Variants in PRSS12 observed in about 807,000 individuals in gnomAD.
PRSS12 encodes serine protease 12, also known as neurotrypsin.
PRSS12 carries 85 observed loss-of-function variants against 104.4 expected under a neutral mutation model. The ratio of observed to expected loss-of-function variants is 0.81; its 90% CI spans 0.68 to 0.98. PRSS12 has a LOEUF of 0.98. Among genes scored for constraint, PRSS12 ranks in the 50% least tolerant of loss-of-function variants. PRSS12 has a pLI of 0.00. For missense variants in PRSS12, 1,141 were observed against 1,139.2 expected, an observed-to-expected ratio of 1.00 and a Z score of -0.02; for synonymous variants, 454 against 425.2, an observed-to-expected ratio of 1.07 and a Z score of -0.83.
intron 8 of PRSS12, among the ~76,000 whole-genome samples, 186 bp from the exon 9 acceptor site, chr4:118,299,124 C>G (rs183140151): frequency 7.2e-5 from 11 of 152,244 alleles, no homozygotes; most frequent in African/African-American, 2.6e-4. Flanking sequence ...CTATACTTTC[C>G]CATACTCCAC....
At chr4:118,309,868 A>G (rs1308227927) in intron 7 of PRSS12, among the ~76,000 whole-genome samples, 1 of 152,228 alleles carries the variant, frequency 6.6e-6, no homozygotes, top group Non-Finnish European at 1.5e-5. Context: ...CAAGATGGAC[A>G]CACTCTATTT....
At chr4:118,304,608 G>A (rs893077071) in intron 8 of PRSS12, among the ~76,000 whole-genome samples, 1 of 151,922 alleles carries the variant, frequency 6.6e-6, no homozygotes, top group African/African-American at 2.4e-5. Flanking sequence ...TATGCTACTG[G>A]ATCCACATAA....
chr4:118,343,144 T>C (rs1724258944), intron 1 of PRSS12, among the ~76,000 whole-genome samples: 1 of 152,074 alleles, frequency 6.6e-6, no homozygotes, highest in Non-Finnish European at 1.5e-5. Context: ...ATCCCAGCAC[T>C]TTGGGAGGCC....
Position 118,352,260 on chromosome 4 carries a change from G to A in PRSS12, c.461C>T (p.Ala154Val), listed in dbSNP as rs1724526909. 1 of 1,611,418 alleles carries A rather than the reference G, an allele frequency of 6.2e-7. No homozygotes were observed. The highest frequency in any genetic ancestry group is 1.3e-5 in the African/African-American group (1 of 74,896). ...GTAGCCCCAGTCCACCTTGCCACGG[G>A]CGTCTCCGTAGAAACACCAGGGTCT... Reference protein sequence around the residue: ...AGRPWCFYGDARGKVDWGYCD... With the variant: ...AGRPWCFYGDVRGKVDWGYCD... Residue 154 changes from alanine (A) to valine (V), a missense_variant, in exon 1 of 13, where the codon GCC becomes GTC. Transcript: ENST00000296498.
rs1742920426 is a variant in PRSS12 at position 118,282,940 on chromosome 4, C to T, written c.2211G>A (p.Glu737=). ...CATGGCTGCTGAATCTGGCACATTG[C>T]TCTTCTGGTCCTTGTAATCTAACCA... is the stretch of plus-strand genomic sequence containing the variant. The part of the protein sequence containing the change: ...IALVRLQGPE[E]QCARFSSHVL... Residue 737 remains glutamate (E), a synonymous_variant, in exon 12 of 13, where the codon GAG becomes GAA. Transcript: ENST00000296498. The T allele has an allele frequency of 1.9e-6, 3 of 1,614,166 alleles. No individual in the cohort carries two copies. Among genetic ancestry groups the T allele is most frequent in the African/African-American group, 1.3e-5 (1 of 75,028 alleles).
rs188007058 is a variant in PRSS12, at chr4:118,310,930, A to G, written c.1489+2271T>C. On this transcript the variant is annotated intron_variant, in intron 7 of 12. Coordinates refer to ENST00000296498, the MANE Select transcript of PRSS12 (RefSeq NM_003619.4). Reference sequence around the variant, plus strand: ...GCTGGGTGTGGTGGCAGGCACCTGTAATCCCAGATACTTGGGAGGCTGAGG... The same window carrying G: ...GCTGGGTGTGGTGGCAGGCACCTGTGATCCCAGATACTTGGGAGGCTGAGG... Among the ~76,000 whole-genome samples, 500 of 152,230 alleles carry G rather than the reference A, an allele frequency of 3.3e-3. 1 individual carries two copies. Among genetic ancestry groups the G allele is most frequent in the Non-Finnish European group, 5.5e-3 (374 of 68,028 alleles).
chr4:118,332,066 G>C (rs1424767959), intron 3 of PRSS12, among the ~76,000 whole-genome samples, 200 bp from the exon 4 acceptor site: 1 of 152,014 alleles, frequency 6.6e-6, no homozygotes, highest in Non-Finnish European at 1.5e-5. Flanking sequence ...TGAATTATAT[G>C]AATACAAGTA....
chr4:118,323,738 G>A (rs1194694244), intron 4 of PRSS12, among the ~76,000 whole-genome samples: 1 of 151,558 alleles, frequency 6.6e-6, no homozygotes, highest in Non-Finnish European at 1.5e-5. Context: ...CAAACCAATA[G>A]GCTGGAAGAA....
rs1286350632 is a variant in PRSS12, at chr4:118,352,457, C to T, written c.264G>A (p.Pro88=). Residue 88 remains proline, a synonymous_variant, in exon 1 of 13, where the codon CCG becomes CCA. Transcript: ENST00000296498. ...CGCCGGCGGGGCAGCCCCAGGGGTG[C>T]GGCCGGGGCGTGTGCCCGGCCTGGA... ...HALQAGHTPR[P]HPWGCPAGEP... is the part of the protein sequence containing the mutation. 2 of 1,405,202 alleles carry T rather than the reference C, an allele frequency of 1.4e-6. No homozygotes were observed. Among genetic ancestry groups the T allele is most frequent in the Non-Finnish European group, 1.8e-6 (2 of 1,086,906 alleles). The allele number at this position is 1,405,202 out of a possible 1,614,324, so 87.0% of individuals were successfully genotyped here. A position where few individuals can be genotyped will look rare whatever the true frequency, so the allele number is the denominator to read the frequency against.
intron 5 of PRSS12, among the ~76,000 whole-genome samples, chr4:118,317,645 A>C (rs1211890663): frequency 6.6e-6 from 1 of 152,242 alleles, no homozygotes; most frequent in Non-Finnish European, 1.5e-5. Flanking sequence ...TCTGCTAATA[A>C]AAACAACTGC....
At chr4:118,307,910 A>T (rs998607199) in intron 8 of PRSS12, among the ~76,000 whole-genome samples, 22 of 152,198 alleles carry the variant, frequency 1.4e-4, no homozygotes, top group Admixed American at 1.0e-3. Context: ...AAAAAAAAAA[A>T]ATTGGCACCA....
chr4:118,298,849 C>T lies in PRSS12; in HGVS notation c.1721G>A (p.Arg574Lys). 1 of 1,614,142 alleles carries T rather than the reference C, an allele frequency of 6.2e-7. No homozygotes were observed. The highest frequency in any genetic ancestry group is 8.5e-7 in the Non-Finnish European group (1 of 1,180,028). ...VDNVKCTGNERSLADCIKQDI... is the reference protein window; with the variant it reads ...VDNVKCTGNEKSLADCIKQDI... Reference sequence around the variant, plus strand: ...TTGCTTGATACAGTCAGCCAAGGACCTCTCATTTCCTGTGCACTTCACATT... The same window carrying T: ...TTGCTTGATACAGTCAGCCAAGGACTTCTCATTTCCTGTGCACTTCACATT... The change falls in exon 9 of 13, where the codon AGG becomes AAG. Residue 574 changes from arginine to lysine, a missense_variant. Arg to Lys is a conservative substitution (Grantham distance 26). Transcript: ENST00000296498.
At chr4:118,323,675 T>C (rs1723691056) in intron 4 of PRSS12, among the ~76,000 whole-genome samples, 2 of 151,770 alleles carry the variant, frequency 1.3e-5, no homozygotes, top group Non-Finnish European at 1.5e-5. Flanking sequence ...TTCAACCACA[T>C]ACAAATTGAA....
chr4:118,314,796 CAG>C (rs1743862551), intron 6 of PRSS12, among the ~76,000 whole-genome samples: 1 of 151,722 alleles, frequency 6.6e-6, no homozygotes, highest in Non-Finnish European at 1.5e-5. Context: ...AGAAAAAAAT[CAG>C]TGTTGTTTTC....
chr4:118,299,004 A>G, intron 8 of PRSS12, 66 bp from the exon 9 acceptor site: 1 of 1,521,896 alleles, frequency 6.6e-7, no homozygotes, highest in African/African-American at 1.4e-5. Context: ...AAATCACAAC[A>G]TGTATTCAAT....
At chr4:118,341,058 G>A (rs989359640) in intron 1 of PRSS12, among the ~76,000 whole-genome samples, 4 of 152,290 alleles carry the variant, frequency 2.6e-5, no homozygotes, top group African/African-American at 9.6e-5. Context: ...GCTGGGACAT[G>A]AGGGGAGTTG....
intron 8 of PRSS12, among the ~76,000 whole-genome samples, chr4:118,302,348 G>C (rs1163982927): frequency 6.6e-6 from 1 of 152,186 alleles, no homozygotes; most frequent in Non-Finnish European, 1.5e-5. Flanking sequence ...TACTTACCTA[G>C]TCTTGAAATC....
In PRSS12 at chr4:118,316,218, A is replaced by G. The variant is rs374206584; in HGVS notation, c.1256T>C (p.Leu419Pro). The change falls in exon 6 of 13, where the codon CTG becomes CCG. Residue 419 changes from leucine to proline, a missense_variant. By Grantham distance (98) the Leu-to-Pro change is moderately conservative (BLOSUM62 -3). Coordinates refer to ENST00000296498, the MANE Select transcript of PRSS12 (RefSeq NM_003619.4). ...GTVCDDGWTE[L>P]NTYVVCRQLG... ...TTGTCGACAAACCACGTATGTATTC[A>G]GCTCAGTCCAGCCATCATCACAGAC... 6.8e-5 allele frequency: 110 copies of G among 1,613,978 alleles called. No homozygotes were observed. The highest frequency in any genetic ancestry group is 9.2e-5 in the Non-Finnish European group (108 of 1,180,028).
chr4:118,347,916 C>G (rs992365705), intron 1 of PRSS12, among the ~76,000 whole-genome samples: 4 of 152,134 alleles, frequency 2.6e-5, no homozygotes, highest in Non-Finnish European at 5.9e-5. Flanking sequence ...GCAAAAATAA[C>G]CTAGCTCACA....
Sources: gnomAD v4.1 joint callset for allele counts (sites outside exome capture counted in the v4.1 genomes callset) on GRCh38, gnomAD v4.1.1 for gene constraint, MANE v1.5 for transcripts, NCBI Gene and HGNC (gene_info 2026-07-23, HGNC 2026-07-21) for gene names.